CDK13: variants seen among roughly 807,000 people sequenced by gnomAD.
CDK13 encodes cyclin dependent kinase 13, also known as cyclin-dependent kinase 13.
CDK13 carries 40 observed loss-of-function variants against 137.6 expected under a neutral mutation model. That is an observed-to-expected ratio of 0.29 (90% CI 0.23 to 0.38). The LOEUF (loss-of-function observed/expected upper bound fraction) is 0.38, where lower values mean the gene tolerates loss of function less well. Ranked by LOEUF, CDK13 falls within the 10% of genes least tolerant of loss-of-function variation. The pLI, the probability that CDK13 is intolerant of heterozygous loss-of-function variation, is 1.00. For missense variants in CDK13, 1,704 were observed against 1,951.8 expected (o/e 0.87, Z 2.39); for synonymous variants, 869 against 760.1 (o/e 1.14, Z -2.36).
chr7:39,959,612 A>G (rs1227665461), intron 1 of CDK13, among the ~76,000 whole-genome samples: 1 of 151,932 alleles, frequency 6.6e-6, no homozygotes, highest in African/African-American at 2.4e-5. Context: ...TCGCAGATGC[A>G]TGCCAGCATG....
At chr7:39,988,739 T>A (rs796348672) in intron 2 of CDK13, among the ~76,000 whole-genome samples, 7 of 152,096 alleles carry the variant, frequency 4.6e-5, no homozygotes, top group East Asian at 3.9e-4. Flanking sequence ...TAAAAAAAAA[T>A]TTTTTTAGCC....
At chr7:40,085,712 G>A (rs1412969217) in intron 11 of CDK13, 1 of 152,476 alleles carries the variant, frequency 6.6e-6, no homozygotes, top group African/African-American at 2.4e-5. Context: ...GTTTTTACAC[G>A]CTGAGGCAAT....
intron 1 of CDK13, among the ~76,000 whole-genome samples, chr7:39,976,873 T>C (rs1166662653): frequency 6.6e-6 from 1 of 152,198 alleles, no homozygotes; most frequent in Non-Finnish European, 1.5e-5. Flanking sequence ...GTACGGTATT[T>C]GTTTTATTCA....
intron 2 of CDK13, among the ~76,000 whole-genome samples, chr7:39,990,260 T>G (rs1359622640): frequency 6.6e-6 from 1 of 152,152 alleles, no homozygotes; most frequent in Non-Finnish European, 1.5e-5. Flanking sequence ...CTTTTCTGTC[T>G]CCTCTCCTTT....
In CDK13 at chr7:39,982,532, G is replaced by GGTATATACCCAAAGGTATA. The variant is rs1283723690; in HGVS notation, c.1212-5067_1212-5066insGTATATACCCAAAGGTATA. ...TTATAGTCCTTTGGGTATATACCCA[G>GGTATATACCCAAAGGTATA]TAATGGGATGGCTGGGTCAAATGGT... On this transcript the variant is annotated intron_variant, in intron 1 of 13. Coordinates refer to ENST00000181839, the MANE Select transcript of CDK13 (RefSeq NM_003718.5). Among the ~76,000 whole-genome samples the GGTATATACCCAAAGGTATA allele has an allele frequency of 1.1e-3, 160 of 152,196 alleles. 1 individual carries two copies. The highest frequency in any genetic ancestry group is 3.7e-3 in the African/African-American group (154 of 41,494).
chr7:40,053,905 C>G (rs1454432813), intron 7 of CDK13, among the ~76,000 whole-genome samples: 3 of 152,106 alleles, frequency 2.0e-5, no homozygotes, highest in Non-Finnish European at 4.4e-5. Context: ...TTCTTATGTA[C>G]ATTTTAAAGT....
intron 2 of CDK13, among the ~76,000 whole-genome samples, chr7:39,994,979 G>A (rs986358333): frequency 7.3e-5 from 11 of 150,830 alleles, no homozygotes; most frequent in African/African-American, 2.7e-4. Context: ...ATAATTTGGA[G>A]ACAGCTTTAT....
intron 6 of CDK13, among the ~76,000 whole-genome samples, chr7:40,046,382 G>A (rs1241116620): frequency 6.6e-6 from 1 of 152,140 alleles, no homozygotes; most frequent in Non-Finnish European, 1.5e-5. Flanking sequence ...AGTGGCTCAC[G>A]CCTGTAATCC....
intron 1 of CDK13, among the ~76,000 whole-genome samples, chr7:39,964,705 G>A (rs139186385): frequency 0.12 from 18,188 of 150,742 alleles, 3,559 homozygotes; most frequent in African/African-American, 0.41. Flanking sequence ...CTCTAGTTCA[G>A]TTGTAATGTT....
chr7:40,073,200 C>T (rs2150533149), intron 9 of CDK13: 1 of 152,144 alleles, frequency 6.6e-6, no homozygotes, highest in Non-Finnish European at 1.5e-5. Context: ...CATAATGTAA[C>T]ATACCACAGT....
chr7:40,054,990 G>C (rs1007887046), intron 7 of CDK13, among the ~76,000 whole-genome samples: 1 of 152,096 alleles, frequency 6.6e-6, no homozygotes, highest in Admixed American at 6.6e-5. Context: ...AGTCCAGCCT[G>C]GGCAACATAG....
chr7:40,099,534 T>A lies in CDK13; in HGVS notation c.*4554T>A, dbSNP rs1429296049. 6.6e-6 allele frequency: 1 copy of A among 152,214 alleles called. No homozygotes were observed. Among genetic ancestry groups the A allele is most frequent in the Non-Finnish European group, 1.5e-5 (1 of 68,036 alleles). 9.4% of individuals were successfully genotyped at this position (152,214 alleles called of 1,614,324 possible). A position where few individuals can be genotyped will look rare whatever the true frequency, so the allele number is the denominator to read the frequency against. ...AGCCATTTGTTTTTTACCATTTTTT[T>A]AAGGCCGTATTCAATAGTCTGTAAA... On this transcript the variant is annotated 3_prime_UTR_variant, in exon 14 of 14. Coordinates refer to ENST00000181839, the MANE Select transcript of CDK13 (RefSeq NM_003718.5).
At chr7:40,032,677 A>T (rs1785405418) in intron 5 of CDK13, among the ~76,000 whole-genome samples, 2 of 151,986 alleles carry the variant, frequency 1.3e-5, no homozygotes, top group Admixed American at 1.3e-4. Flanking sequence ...TAACTCCATT[A>T]TCAAAGATCA....
At chr7:39,967,327 A>G (rs1783893976) in intron 1 of CDK13, among the ~76,000 whole-genome samples, 1 of 152,122 alleles carries the variant, frequency 6.6e-6, no homozygotes. Flanking sequence ...CTTGTGAGGC[A>G]GAACTGGGAG....
intron 7 of CDK13, among the ~76,000 whole-genome samples, chr7:40,051,948 C>T (rs527417526): frequency 6.6e-6 from 1 of 152,304 alleles, no homozygotes; most frequent in Non-Finnish European, 1.5e-5. Context: ...CCCATTTCTT[C>T]ATTAACTGTT....
intron 7 of CDK13, among the ~76,000 whole-genome samples, chr7:40,052,559 A>C (rs531943341): frequency 6.6e-6 from 1 of 152,328 alleles, no homozygotes; most frequent in African/African-American, 2.4e-5. Context: ...CTACATTTCC[A>C]TATGATGATC....
At chr7:40,002,677 A>G (rs1408416435) in intron 5 of CDK13, among the ~76,000 whole-genome samples, 4 of 152,190 alleles carry the variant, frequency 2.6e-5, no homozygotes, top group Non-Finnish European at 5.9e-5. Context: ...GGATCTTTAT[A>G]TAAATCTTAC....
At position 40,078,827 on chromosome 7, in the gene CDK13, A is replaced by G; in HGVS notation, c.3005A>G (p.Glu1002Gly). ...ALQCEFLRDV[E>G]PSKMPPPDLP... ...CAGTGCGAGTTCCTCCGAGATGTGG[A>G]ACCCTCAAAAATGCCTCCACCAGAG... The change falls in exon 11 of 14, where the codon GAA becomes GGA. Residue 1002 changes from glutamate (E) to glycine (G), a missense_variant. Glu to Gly is a moderately conservative substitution (Grantham distance 98). Around this residue, in one of 5 missense-constraint regions of CDK13, gnomAD observed 45 missense variants for 57.0 expected, o/e 0.79. Coordinates refer to ENST00000181839, the MANE Select transcript of CDK13 (RefSeq NM_003718.5). 1 of 1,472,280 alleles carries G rather than the reference A, an allele frequency of 6.8e-7. No homozygotes were observed. Among genetic ancestry groups the G allele is most frequent in the South Asian group, 1.5e-5 (1 of 66,872 alleles). The allele number at this position is 1,472,280 out of a possible 1,614,324, so 91.2% of individuals were successfully genotyped here. A position where few individuals can be genotyped will look rare whatever the true frequency, so the allele number is the denominator to read the frequency against.
Position 40,094,871 on chromosome 7 carries a change from A to G in CDK13, c.4430A>G (p.His1477Arg), listed in dbSNP as rs550216113. The G allele has an allele frequency of 2.6e-6, 4 of 1,539,690 alleles. No homozygotes were observed. In the East Asian group the frequency reaches 9.0e-5, roughly 35 times the overall value. ...QENPSGPSLM[H>R]GQTWTSPAQG... is the part of the protein sequence containing the mutation. ...AATCCGAGTGGCCCCAGCCTCATGC[A>G]TGGACAGACCTGGACTTCTCCTGCC... is the stretch of plus-strand genomic sequence containing the variant. Residue 1477 changes from histidine to arginine, a missense_variant, in exon 14 of 14, where the codon CAT becomes CGT. His to Arg is a conservative substitution (Grantham distance 29, BLOSUM62 0). Around this residue, in one of 5 missense-constraint regions of CDK13, gnomAD observed 475 missense variants for 579.3 expected, o/e 0.82. Transcript: ENST00000181839.
Sources: gnomAD v4.1 joint callset for allele counts (sites outside exome capture counted in the v4.1 genomes callset) on GRCh38, gnomAD v4.1.1 for gene constraint, gnomAD v4.1.1 regional missense constraint, MANE v1.5 for transcripts, NCBI Gene and HGNC (gene_info 2026-07-23, HGNC 2026-07-21) for gene names.